NAALADL2: variants seen among roughly 807,000 people sequenced by gnomAD.
The protein encoded by NAALADL2 is N-acetylated alpha-linked acidic dipeptidase like 2.
In NAALADL2, 76 loss-of-function variants were observed where a neutral mutation model predicts 87.2. That is an observed-to-expected ratio of 0.87 (90% confidence interval 0.72 to 1.05). The LOEUF (loss-of-function observed/expected upper bound fraction) is 1.05, where lower values mean the gene tolerates loss of function less well. Ranked by LOEUF, NAALADL2 falls within the 50% of genes least tolerant of loss-of-function variation. The pLI is 0.00. For synonymous variants in NAALADL2, 354 were observed against 331.0 expected (o/e 1.07, Z -0.75); for missense variants, 1,089 against 945.8 (o/e 1.15, Z -1.99).
intron 3 of NAALADL2, among the ~76,000 whole-genome samples, chr3:174,808,095 C>T (rs1719716703): frequency 6.6e-6 from 1 of 152,002 alleles, no homozygotes; most frequent in Non-Finnish European, 1.5e-5. Context: ...TTATCAATGG[C>T]AAATGAATAA....
At chr3:174,777,663 A>G (rs1033514879) in intron 3 of NAALADL2, among the ~76,000 whole-genome samples, 1 of 152,144 alleles carries the variant, frequency 6.6e-6, no homozygotes, top group Admixed American at 6.6e-5. Flanking sequence ...GTTAAATTGC[A>G]CTATTCTTTC....
chr3:174,894,464 C>T (rs1307302262), intron 1 of NAALADL2, among the ~76,000 whole-genome samples: 1 of 151,490 alleles, frequency 6.6e-6, no homozygotes, highest in African/African-American at 2.4e-5. Context: ...CGTGGTGGTG[C>T]ACACCTGTGG....
chr3:175,382,531 A>G (rs1261093876), intron 5 of NAALADL2, among the ~76,000 whole-genome samples: 2 of 151,936 alleles, frequency 1.3e-5, no homozygotes, highest in Non-Finnish European at 2.9e-5. Flanking sequence ...CAAATGACCC[A>G]TGGTTATAAG....
chr3:175,416,003 G>A (rs1214802845), intron 5 of NAALADL2, among the ~76,000 whole-genome samples: 3 of 151,024 alleles, frequency 2.0e-5, no homozygotes, highest in African/African-American at 7.3e-5. Flanking sequence ...CATACCTGTA[G>A]TTCCAGTTAC....
intron 1 of NAALADL2, among the ~76,000 whole-genome samples, chr3:175,038,101 T>A (rs1397817446): frequency 1.3e-5 from 2 of 152,048 alleles, no homozygotes; most frequent in Non-Finnish European, 2.9e-5. Context: ...AGCCTAGATG[T>A]TTTTTTCTTA....
chr3:174,778,550 G>T (rs1455265905), intron 3 of NAALADL2, among the ~76,000 whole-genome samples: 1 of 151,908 alleles, frequency 6.6e-6, no homozygotes, highest in African/African-American at 2.4e-5. Flanking sequence ...TGTTACATGG[G>T]TATACATGTG....
intron 13 of NAALADL2, among the ~76,000 whole-genome samples, chr3:175,769,316 A>G (rs1402346536): frequency 6.6e-6 from 1 of 152,210 alleles, no homozygotes; most frequent in Non-Finnish European, 1.5e-5. Context: ...GAATAAGCAG[A>G]CAAAAGACCA....
At chr3:175,333,913 C>T (rs1200782304) in intron 5 of NAALADL2, among the ~76,000 whole-genome samples, 2 of 151,992 alleles carry the variant, frequency 1.3e-5, no homozygotes, top group Admixed American at 6.6e-5. Flanking sequence ...TTATACATTC[C>T]ATGCATGTAA....
chr3:175,698,628 A>G (rs1333416173), intron 11 of NAALADL2, among the ~76,000 whole-genome samples: 1 of 150,840 alleles, frequency 6.6e-6, no homozygotes, highest in African/African-American at 2.4e-5. Context: ...CACCTTTTTG[A>G]TATTATACAT....
At chr3:175,795,543 C>A (rs963614957) in intron 13 of NAALADL2, among the ~76,000 whole-genome samples, 2 of 149,994 alleles carry the variant, frequency 1.3e-5, no homozygotes, top group Non-Finnish European at 3.0e-5. Flanking sequence ...ATTAGCTGGG[C>A]GTGGTGGCGG....
chr3:175,570,869 G>A (rs1330301694), intron 9 of NAALADL2, among the ~76,000 whole-genome samples: 2 of 130,426 alleles, frequency 1.5e-5, no homozygotes, highest in Admixed American at 8.5e-5. Flanking sequence ...GACATAGTGA[G>A]ACTCCATCTC....
At chr3:175,489,570 C>G (rs1727761229) in intron 9 of NAALADL2, among the ~76,000 whole-genome samples, 2 of 152,146 alleles carry the variant, frequency 1.3e-5, no homozygotes, top group African/African-American at 4.8e-5. Context: ...GATCACTGAT[C>G]TGAAACCAAC....
chr3:174,806,254 G>A (rs1719472265), intron 3 of NAALADL2, among the ~76,000 whole-genome samples: 1 of 152,170 alleles, frequency 6.6e-6, no homozygotes, highest in Admixed American at 6.5e-5. Context: ...GTGAGCCAAG[G>A]GAAAAGTCAA....
chr3:175,486,975 T>C (rs1401723928), intron 9 of NAALADL2, among the ~76,000 whole-genome samples: 1 of 152,220 alleles, frequency 6.6e-6, no homozygotes, highest in Non-Finnish European at 1.5e-5. Flanking sequence ...ACCACTTTCC[T>C]CCCCTTTGCC....
intron 2 of NAALADL2, among the ~76,000 whole-genome samples, chr3:175,202,739 T>A (rs1333807333): frequency 2.0e-5 from 3 of 151,962 alleles, no homozygotes; most frequent in African/African-American, 7.3e-5. Context: ...GACCATCAGG[T>A]CGGGCTGGGC....
intron 1 of NAALADL2, among the ~76,000 whole-genome samples, chr3:174,882,503 G>T (rs1729345180): frequency 6.9e-6 from 1 of 145,260 alleles, no homozygotes; most frequent in Non-Finnish European, 1.5e-5. Context: ...ATACATATAT[G>T]TGTATATACA....
In NAALADL2 at chr3:175,093,345, C is replaced by A. The variant is rs531346281; in HGVS notation, c.44-3445C>A. 8.4e-4 allele frequency among the ~76,000 whole-genome samples: 126 copies of A among 149,970 alleles called. 1 individual carries two copies. The highest frequency in any genetic ancestry group is 2.8e-3 in the African/African-American group (113 of 41,056). On this transcript the variant is annotated intron_variant, in intron 1 of 13. Coordinates refer to ENST00000454872, the MANE Select transcript of NAALADL2 (RefSeq NM_207015.3). Reference sequence around the variant, plus strand: ...GGAACCATAGAATAATTTATGCTATCTCAAAGCTGAATGTTACTAAAGTTT... The same window carrying A: ...GGAACCATAGAATAATTTATGCTATATCAAAGCTGAATGTTACTAAAGTTT...
intron 6 of NAALADL2, among the ~76,000 whole-genome samples, chr3:175,462,751 T>G (rs539275590): frequency 1.3e-5 from 2 of 152,308 alleles, no homozygotes; most frequent in South Asian, 4.1e-4. Context: ...TGTCTTTGCC[T>G]TATTTGCAAA....
rs578095793 is a variant in NAALADL2, at chr3:175,679,184, C to T, written c.1896+51798C>T. 1.7e-4 allele frequency among the ~76,000 whole-genome samples: 26 copies of T among 151,612 alleles called. No homozygotes were observed. The South Asian group carries it at 5.2e-3, about 30-fold the overall frequency. On this transcript the variant is annotated intron_variant, in intron 11 of 13. Transcript: ENST00000454872. ...TTTGTGATTCTTCAGTTACTTCAGG[C>T]CATCTGGATGTATACCTGCAGGTCA...
Sources: allele counts gnomAD v4.1 joint callset (sites outside exome capture counted in the v4.1 genomes callset), GRCh38; gene constraint gnomAD v4.1.1; transcripts MANE v1.5; gene names NCBI Gene and HGNC (gene_info 2026-07-23, HGNC 2026-07-21).